Variants in TLL2 observed in about 807,000 individuals in gnomAD.
TLL2 encodes tolloid like 2, also known as tolloid-like protein 2.
Under a neutral mutation model 123.0 loss-of-function variants are expected in TLL2, and 106 were observed. That is an observed-to-expected ratio of 0.86 (90% CI 0.74 to 1.01). The LOEUF is 1.01. Ranked by LOEUF, TLL2 falls within the 50% of genes least tolerant of loss-of-function variation. The pLI, the probability that TLL2 is intolerant of heterozygous loss-of-function variation, is 0.00. For synonymous variants in TLL2, 494 were observed against 516.8 expected, an observed-to-expected ratio of 0.96 and a Z score of 0.60; for missense variants, 1,332 against 1,336.7, an observed-to-expected ratio of 1.00 and a Z score of 0.06.
intron 3 of TLL2, among the ~76,000 whole-genome samples, 186 bp downstream of exon 3, chr10:96,445,905 C>G (rs1846893547): frequency 6.6e-6 from 1 of 152,120 alleles, no homozygotes; most frequent in South Asian, 2.1e-4. Context: ...TTCATGAGTA[C>G]AGAGTCTGCT....
At chr10:96,374,138 A>G (rs1441870786) in intron 18 of TLL2, 2 of 303,200 alleles carry the variant, frequency 6.6e-6, no homozygotes, top group East Asian at 1.6e-4. Context: ...GGCTTTACAC[A>G]GCCCAAATCT....
At position 96,422,687 on chromosome 10, in the gene TLL2, C is replaced by T; in HGVS notation, c.679G>A (p.Ala227Thr). 1.2e-6 allele frequency: 2 copies of T among 1,614,224 alleles called. No homozygotes were observed. The highest frequency in any genetic ancestry group is 1.1e-5 in the South Asian group (1 of 91,084). The change falls in exon 6 of 21, where the codon GCC becomes ACC. Residue 227 changes from alanine (A) to threonine (T), a missense_variant. Physicochemically the swap from Ala to Thr is moderately conservative, Grantham distance 58. Transcript: ENST00000357947. Reference sequence around the variant, plus strand: ...TCACAGTTCTTCCCAATGGATATGGCCTGTGGGCCTCCTCCTCGGCGCCCA... The same window carrying T: ...TCACAGTTCTTCCCAATGGATATGGTCTGTGGGCCTCCTCCTCGGCGCCCA... ...YVGRRGGGPQ[A>T]ISIGKNCDKF...
At chr10:96,391,213 A>G (rs1251370880) in intron 13 of TLL2, among the ~76,000 whole-genome samples, 1 of 152,192 alleles carries the variant, frequency 6.6e-6, no homozygotes, top group Non-Finnish European at 1.5e-5. Flanking sequence ...TCATTCATTG[A>G]TCTATCCATT....
At chr10:96,497,950 A>T (rs1847493572) in intron 1 of TLL2, among the ~76,000 whole-genome samples, 1 of 152,234 alleles carries the variant, frequency 6.6e-6, no homozygotes. Flanking sequence ...ACTTACTGCT[A>T]TCTCATGCCT....
At chr10:96,416,771 C>T (rs536667072) in intron 7 of TLL2, among the ~76,000 whole-genome samples, 7 of 152,334 alleles carry the variant, frequency 4.6e-5, no homozygotes, top group African/African-American at 1.7e-4. Context: ...CTACAAGAGC[C>T]GTCCCCTGTG....
chr10:96,501,157 G>A (rs926348500), intron 1 of TLL2, among the ~76,000 whole-genome samples: 2 of 152,220 alleles, frequency 1.3e-5, no homozygotes, highest in Non-Finnish European at 2.9e-5. Flanking sequence ...CTTGCTGTAT[G>A]CATTTTCTAA....
In TLL2 at chr10:96,494,472, G is replaced by A. The variant is rs183925933; in HGVS notation, c.176-14013C>T. Among the ~76,000 whole-genome samples, 8 of 152,280 alleles carry A rather than the reference G, an allele frequency of 5.3e-5. No homozygotes were observed. In the East Asian group the frequency reaches 1.4e-3, roughly 26 times the overall value. On this transcript the variant is annotated intron_variant, in intron 1 of 20. Coordinates refer to ENST00000357947, the MANE Select transcript of TLL2 (RefSeq NM_012465.4). ...GCTTGCTCCAAACCAACAAACACCC[G>A]GGTTTTATCCGAGGAGAGTGGCCTG...
chr10:96,427,598 G>GAC (rs1846690938), intron 5 of TLL2, among the ~76,000 whole-genome samples: 1 of 152,070 alleles, frequency 6.6e-6, no homozygotes, highest in Non-Finnish European at 1.5e-5. Flanking sequence ...AACATTTTCT[G>GAC]ACTTTAAAAA....
intron 2 of TLL2, among the ~76,000 whole-genome samples, chr10:96,471,509 G>A (rs989807601): frequency 1.3e-5 from 2 of 152,178 alleles, no homozygotes; most frequent in Admixed American, 6.5e-5. Context: ...GTTGGGGGTC[G>A]CATAGAGAAG....
chr10:96,458,577 G>T (rs1847040020), intron 2 of TLL2, among the ~76,000 whole-genome samples: 1 of 107,562 alleles, frequency 9.3e-6, no homozygotes, highest in Non-Finnish European at 1.8e-5. Flanking sequence ...ACAAGAGCGA[G>T]ACTTCGTCTC....
intron 1 of TLL2, among the ~76,000 whole-genome samples, chr10:96,500,156 A>G (rs933666601): frequency 6.6e-6 from 1 of 150,960 alleles, no homozygotes; most frequent in East Asian, 1.9e-4. Flanking sequence ...AAAAAAAAAA[A>G]AAAATACAAA....
intron 1 of TLL2, among the ~76,000 whole-genome samples, chr10:96,511,787 C>T (rs751950444): frequency 6.6e-6 from 1 of 152,230 alleles, no homozygotes; most frequent in Admixed American, 6.5e-5. Flanking sequence ...CGGGCCTCAG[C>T]GGCCCACACT....
intron 7 of TLL2, among the ~76,000 whole-genome samples, chr10:96,415,053 C>T (rs796457979): frequency 2.2e-4 from 33 of 152,310 alleles, no homozygotes; most frequent in African/African-American, 7.2e-4. Context: ...ATGGAATCAT[C>T]CCAGAATGCA....
chr10:96,390,367 A>G (rs376877401), intron 13 of TLL2, among the ~76,000 whole-genome samples: 42 of 152,346 alleles, frequency 2.8e-4, no homozygotes, highest in African/African-American at 1.0e-3. Flanking sequence ...GAAATCTTTA[A>G]TTCTTTATGT....
intron 1 of TLL2, among the ~76,000 whole-genome samples, chr10:96,492,353 GT>G (rs1847423059): frequency 6.6e-6 from 1 of 152,192 alleles, no homozygotes; most frequent in Non-Finnish European, 1.5e-5. Flanking sequence ...GCTAGGCGCC[GT>G]GGCTCACGCC....
chr10:96,481,895 A>G (rs941441759), intron 1 of TLL2, among the ~76,000 whole-genome samples: 5 of 152,236 alleles, frequency 3.3e-5, no homozygotes, highest in African/African-American at 1.2e-4. Flanking sequence ...ACTTCGAGTA[A>G]CAGAGGTTGA....
At chr10:96,376,927 C>T (rs1846143927) in intron 17 of TLL2, 108 bp from the exon 18 acceptor site, 1 of 1,227,574 alleles carries the variant, frequency 8.1e-7, no homozygotes, top group Non-Finnish European at 1.1e-6. Context: ...GTCTCAGGGT[C>T]TTTATCAAAT....
chr10:96,422,172 C>T (rs1846630602), intron 6 of TLL2, among the ~76,000 whole-genome samples: 1 of 150,694 alleles, frequency 6.6e-6, no homozygotes, highest in African/African-American at 2.4e-5. Flanking sequence ...TTGCCTAAGT[C>T]AGCAAAAATA....
At chr10:96,404,443 T>A (rs983103120) in intron 10 of TLL2, among the ~76,000 whole-genome samples, 1 of 152,218 alleles carries the variant, frequency 6.6e-6, no homozygotes, top group Non-Finnish European at 1.5e-5. Context: ...AGAATACATT[T>A]AAAAAATACT....
Sources: gnomAD v4.1 joint callset for allele counts (sites outside exome capture counted in the v4.1 genomes callset) on GRCh38, gnomAD v4.1.1 for gene constraint, MANE v1.5 for transcripts, NCBI Gene and HGNC (gene_info 2026-07-23, HGNC 2026-07-21) for gene names.